Variants in FAT4 observed in about 807,000 individuals in gnomAD.
FAT4 encodes FAT atypical cadherin 4.
A neutral mutation model predicts 303.9 loss-of-function variants in FAT4; 84 were observed. That is an observed-to-expected ratio of 0.28 (90% CI 0.23 to 0.33). The LOEUF (loss-of-function observed/expected upper bound fraction) is 0.33, where lower values mean the gene tolerates loss of function less well. FAT4 is among the 10% of genes least tolerant of loss of function. FAT4 has a pLI of 1.00. For missense variants in FAT4, 6,005 were observed against 6,146.8 expected, an observed-to-expected ratio of 0.98 and a Z score of 0.77; for synonymous variants, 2,307 against 2,298.8, an observed-to-expected ratio of 1.00 and a Z score of -0.10.
In FAT4 at chr4:125,316,566, T is replaced by C. The variant is rs1355443607; in HGVS notation, c.155T>C (p.Leu52Pro). 7 of 1,613,904 alleles carry C rather than the reference T, an allele frequency of 4.3e-6. No homozygotes were observed. Among genetic ancestry groups the C allele is most frequent in the Non-Finnish European group, 5.9e-6 (7 of 1,180,026 alleles). Reference sequence around the variant, plus strand: ...GAGCCGCGCCAGGTGTTCCAAGTGCTGGAAGAGCAACCTCCAGGCACTCTG... The same window carrying C: ...GAGCCGCGCCAGGTGTTCCAAGTGCCGGAAGAGCAACCTCCAGGCACTCTG... The part of the protein sequence containing the change: ...GAEPRQVFQV[L>P]EEQPPGTLVG... Residue 52 changes from leucine (L) to proline (P), a missense_variant, in exon 2 of 18, where the codon CTG becomes CCG. Transcript: ENST00000394329. The surrounding 1 kb of genome is among the most constrained non-coding windows in gnomAD (Gnocchi z 5.7).
intron 8 of FAT4, among the ~76,000 whole-genome samples, chr4:125,439,188 G>C (rs1578643924): frequency 1.3e-5 from 2 of 152,018 alleles, no homozygotes; most frequent in African/African-American, 4.8e-5. Context: ...CTATTCCAGA[G>C]CTTAGCTTTT....
intron 13 of FAT4, 96 bp downstream of exon 13, chr4:125,476,352 T>G: frequency 2.0e-6 from 1 of 499,130 alleles, no homozygotes; most frequent in Non-Finnish European, 3.3e-6. Context: ...AAGTAGTACA[T>G]AAAGCTTAAG....
At chr4:125,473,844 T>C (rs1054913480) in intron 12 of FAT4, among the ~76,000 whole-genome samples, 2 of 151,924 alleles carry the variant, frequency 1.3e-5, no homozygotes, top group African/African-American at 2.4e-5. Context: ...ATACCAAATG[T>C]GAAAAAAACT....
At chr4:125,456,627 A>G (rs1023067179) in intron 10 of FAT4, among the ~76,000 whole-genome samples, 4 of 152,176 alleles carry the variant, frequency 2.6e-5, no homozygotes, top group African/African-American at 9.6e-5. Flanking sequence ...TTAGAAATGT[A>G]TTGCTTAAAT....
At chr4:125,395,905 C>T (rs1414351981) in intron 2 of FAT4, among the ~76,000 whole-genome samples, 3 of 152,068 alleles carry the variant, frequency 2.0e-5, no homozygotes, top group African/African-American at 4.8e-5. Flanking sequence ...ACAGAGCATA[C>T]GGGATCACAG....
chr4:125,327,523 A>G (rs1038756786), intron 2 of FAT4, among the ~76,000 whole-genome samples: 5 of 152,184 alleles, frequency 3.3e-5, no homozygotes, highest in African/African-American at 1.2e-4. Flanking sequence ...TTTTAAATGT[A>G]TTGAACAAAA....
intron 12 of FAT4, among the ~76,000 whole-genome samples, chr4:125,474,274 T>C (rs2126081368): frequency 6.6e-6 from 1 of 152,174 alleles, no homozygotes; most frequent in African/African-American, 2.4e-5. Flanking sequence ...CTTTCTAGTT[T>C]ATGATACTTT....
chr4:125,386,128 T>G (rs1411658929), intron 2 of FAT4, among the ~76,000 whole-genome samples: 3 of 152,192 alleles, frequency 2.0e-5, no homozygotes, highest in Non-Finnish European at 2.9e-5. Context: ...AACAATAAAA[T>G]GTACTAGTGC....
At chr4:125,403,052 T>A (rs577663792) in intron 3 of FAT4, among the ~76,000 whole-genome samples, 2 of 151,998 alleles carry the variant, frequency 1.3e-5, no homozygotes, top group Non-Finnish European at 2.9e-5. Context: ...TTTGCAGAAG[T>A]CTAAGTCATC....
intron 2 of FAT4, among the ~76,000 whole-genome samples, chr4:125,360,968 T>TA (rs1234046713): frequency 1.4e-5 from 2 of 147,300 alleles, no homozygotes; most frequent in Non-Finnish European, 1.5e-5. Flanking sequence ...TTTATATTTT[T>TA]ATTATTATTT....
intron 2 of FAT4, among the ~76,000 whole-genome samples, chr4:125,378,640 A>C (rs1733425690): frequency 6.6e-6 from 1 of 152,098 alleles, no homozygotes; most frequent in South Asian, 2.1e-4. Flanking sequence ...TTGTTATAGA[A>C]TATTTGTTGT....
At chr4:125,403,147 C>G (rs1734451471) in intron 3 of FAT4, among the ~76,000 whole-genome samples, 1 of 152,034 alleles carries the variant, frequency 6.6e-6, no homozygotes, top group Non-Finnish European at 1.5e-5. Context: ...CCTGTGCTTA[C>G]TATCTGTCAA....
At chr4:125,373,096 G>C (rs369653514) in intron 2 of FAT4, among the ~76,000 whole-genome samples, 1 of 152,076 alleles carries the variant, frequency 6.6e-6, no homozygotes, top group Admixed American at 6.5e-5. Flanking sequence ...ATGACCACCA[G>C]TTATCATTTA....
At chr4:125,382,272 C>A (rs542526161) in intron 2 of FAT4, among the ~76,000 whole-genome samples, 8 of 152,238 alleles carry the variant, frequency 5.3e-5, no homozygotes, top group African/African-American at 1.9e-4. Context: ...TCTATGGCAG[C>A]TATAGCCTTA....
intron 2 of FAT4, among the ~76,000 whole-genome samples, chr4:125,356,537 G>GTTTTTTTTTTTTT (rs1432744389): frequency 8.4e-6 from 1 of 118,724 alleles, no homozygotes; most frequent in African/African-American, 3.1e-5. Context: ...GATATAGGGT[G>GTTTTTTTTTTTTT]TTTTGTTTTT....
At chr4:125,373,647 C>A (rs796908947) in intron 2 of FAT4, among the ~76,000 whole-genome samples, 3 of 152,250 alleles carry the variant, frequency 2.0e-5, no homozygotes, top group African/African-American at 7.2e-5. Flanking sequence ...ATTCCATGTG[C>A]CTCACACACT....
At chr4:125,398,287 G>A (rs1323285705) in intron 2 of FAT4, among the ~76,000 whole-genome samples, 1 of 152,130 alleles carries the variant, frequency 6.6e-6, no homozygotes, top group Non-Finnish European at 1.5e-5. Flanking sequence ...CCCATTAAAG[G>A]TTGAGCGTGG....
intron 2 of FAT4, among the ~76,000 whole-genome samples, chr4:125,326,338 T>C (rs1731155365): frequency 6.6e-6 from 1 of 151,920 alleles, no homozygotes; most frequent in Admixed American, 6.6e-5. Flanking sequence ...ATATCTTGTG[T>C]ATTGAACCTC....
At chr4:125,388,513 C>T (rs1037783170) in intron 2 of FAT4, among the ~76,000 whole-genome samples, 2 of 152,132 alleles carry the variant, frequency 1.3e-5, no homozygotes, top group African/African-American at 4.8e-5. Flanking sequence ...AAATATACTA[C>T]AGGACGCATT....
Sources: allele counts gnomAD v4.1 joint callset (sites outside exome capture counted in the v4.1 genomes callset), GRCh38; gene constraint gnomAD v4.1.1; non-coding constraint Gnocchi (gnomAD v3.1); transcripts MANE v1.5; gene names NCBI Gene and HGNC (gene_info 2026-07-23, HGNC 2026-07-21).